Variants in IMMP2L observed in about 807,000 individuals in gnomAD.
IMMP2L encodes the protein mitochondrial inner membrane protease subunit 2.
A neutral mutation model predicts 19.3 loss-of-function variants in IMMP2L; 18 were observed. That is an observed-to-expected ratio of 0.93 (90% CI 0.64 to 1.38). The LOEUF is 1.38. Among genes scored for constraint, IMMP2L ranks in the 40% most tolerant of loss-of-function variants. IMMP2L has a pLI of 0.00. For synonymous variants in IMMP2L, 76 were observed against 73.0 expected (o/e 1.04, Z -0.21); for missense variants, 233 against 218.2 (o/e 1.07, Z -0.43).
chr7:111,111,339 G>A (rs1421749584), intron 3 of IMMP2L, among the ~76,000 whole-genome samples: 4 of 150,332 alleles, frequency 2.7e-5, no homozygotes, highest in African/African-American at 7.3e-5. Context: ...GTTAGCAAGG[G>A]CCTACATTGC....
At chr7:110,819,692 C>G (rs1265748908) in intron 5 of IMMP2L, among the ~76,000 whole-genome samples, 1 of 151,984 alleles carries the variant, frequency 6.6e-6, no homozygotes, top group Non-Finnish European at 1.5e-5. Context: ...AAATGTCCCA[C>G]TGTAGAACAT....
chr7:111,049,659 C>A (rs189542176), intron 3 of IMMP2L, among the ~76,000 whole-genome samples: 39 of 152,242 alleles, frequency 2.6e-4, no homozygotes, highest in African/African-American at 9.1e-4. Context: ...AATTGGCTCT[C>A]TTTGTCCTAG....
intron 3 of IMMP2L, among the ~76,000 whole-genome samples, chr7:110,997,562 G>T (rs2129560620): frequency 6.6e-6 from 1 of 152,184 alleles, no homozygotes. Context: ...AATTCTAATA[G>T]CTGTGTAGTG....
chr7:111,125,899 T>A (rs1801256923), intron 3 of IMMP2L, among the ~76,000 whole-genome samples: 1 of 144,694 alleles, frequency 6.9e-6, no homozygotes, highest in Non-Finnish European at 1.5e-5. Flanking sequence ...CTAGGCTCAC[T>A]GCAGACTCCG....
chr7:110,814,613 T>A (rs957777489), intron 5 of IMMP2L, among the ~76,000 whole-genome samples: 2 of 150,214 alleles, frequency 1.3e-5, no homozygotes, highest in Non-Finnish European at 3.0e-5. Flanking sequence ...TTTTCTTCTA[T>A]TTCTTTTATT....
chr7:111,486,286 C>T (rs925222086), intron 3 of IMMP2L, among the ~76,000 whole-genome samples: 1 of 152,096 alleles, frequency 6.6e-6, no homozygotes, highest in Non-Finnish European at 1.5e-5. Context: ...TATCTATTTC[C>T]ACAAAGCACT....
chr7:111,453,755 C>T (rs1379999373), intron 3 of IMMP2L, among the ~76,000 whole-genome samples: 1 of 152,124 alleles, frequency 6.6e-6, no homozygotes, highest in Non-Finnish European at 1.5e-5. Context: ...ATCACTCTAA[C>T]ACGGCAAAAC....
At chr7:111,474,663 A>G (rs755337921) in intron 3 of IMMP2L, among the ~76,000 whole-genome samples, 6 of 151,962 alleles carry the variant, frequency 3.9e-5, no homozygotes, top group Non-Finnish European at 5.9e-5. Context: ...CTCTTTCTTT[A>G]TTAACTGATT....
intron 4 of IMMP2L, among the ~76,000 whole-genome samples, chr7:110,925,413 C>T (rs1321023965): frequency 6.6e-6 from 1 of 152,100 alleles, no homozygotes; most frequent in East Asian, 1.9e-4. Context: ...AGGACACACA[C>T]TTGTTTTTAT....
intron 3 of IMMP2L, among the ~76,000 whole-genome samples, chr7:111,284,257 C>A (rs190859052): frequency 1.1e-3 from 170 of 152,180 alleles, no homozygotes; most frequent in African/African-American, 3.0e-3. Context: ...CTTTTGTTTG[C>A]AAATTCAGTT....
chr7:111,167,009 G>A (rs947916193), intron 3 of IMMP2L, among the ~76,000 whole-genome samples: 5 of 151,900 alleles, frequency 3.3e-5, no homozygotes, highest in Non-Finnish European at 5.9e-5. Flanking sequence ...CACATCATTC[G>A]GAGGGGGGGC....
intron 3 of IMMP2L, among the ~76,000 whole-genome samples, chr7:111,352,481 T>C (rs1041814387): frequency 6.6e-6 from 1 of 151,706 alleles, no homozygotes; most frequent in African/African-American, 2.4e-5. Flanking sequence ...AGTACTGAGA[T>C]TATAGGCATG....
In IMMP2L at chr7:110,892,305, G is replaced by C. The variant is rs76115181; in HGVS notation, c.306-5610C>G. ...GGTCACAAACCATCGTCTGCTTTGT[G>C]GGTCCAACTTGTCTCAGGCCATTGT... On this transcript the variant is annotated intron_variant, in intron 4 of 5. Coordinates refer to ENST00000405709, the MANE Select transcript of IMMP2L (RefSeq NM_032549.4). Among the ~76,000 whole-genome samples, 742 of 152,192 alleles carry C rather than the reference G, an allele frequency of 4.9e-3. 8 individuals are homozygous for C. Among genetic ancestry groups the C allele is most frequent in the African/African-American group, 0.017 (706 of 41,528 alleles).
chr7:110,967,531 T>G (rs970889039), intron 3 of IMMP2L, among the ~76,000 whole-genome samples: 1 of 152,066 alleles, frequency 6.6e-6, no homozygotes, highest in Non-Finnish European at 1.5e-5. Flanking sequence ...TGGTTCAGAA[T>G]TGGCCCAGAT....
At chr7:111,464,409 G>A (rs183650041) in intron 3 of IMMP2L, among the ~76,000 whole-genome samples, 49 of 152,284 alleles carry the variant, frequency 3.2e-4, no homozygotes, top group African/African-American at 1.1e-3. Context: ...CTTGAGCCCA[G>A]GAGCTGAATA....
intron 3 of IMMP2L, among the ~76,000 whole-genome samples, chr7:111,227,558 T>C (rs1813237900): frequency 2.0e-5 from 3 of 152,178 alleles, no homozygotes; most frequent in South Asian, 2.1e-4. Flanking sequence ...AAGGACAATG[T>C]TGAAAAGGAA....
intron 5 of IMMP2L, among the ~76,000 whole-genome samples, chr7:110,856,986 CA>C (rs557577766): frequency 2.8e-4 from 43 of 152,188 alleles, no homozygotes; most frequent in Admixed American, 2.1e-3. Context: ...TATTAAATAG[CA>C]CCATGTAACA....
intron 1 of IMMP2L, among the ~76,000 whole-genome samples, chr7:111,549,841 T>C (rs1021935382): frequency 1.3e-5 from 2 of 151,242 alleles, no homozygotes; most frequent in Non-Finnish European, 2.9e-5. Context: ...CTTGGGAGGC[T>C]GAGGCACGAA....
chr7:111,476,478 G>C (rs1008016259), intron 3 of IMMP2L, among the ~76,000 whole-genome samples: 3 of 151,990 alleles, frequency 2.0e-5, no homozygotes, highest in African/African-American at 7.2e-5. Flanking sequence ...CAAATTTGGC[G>C]GTTTAAAATA....
Sources: gnomAD v4.1 joint callset for allele counts (sites outside exome capture counted in the v4.1 genomes callset) on GRCh38, gnomAD v4.1.1 for gene constraint, MANE v1.5 for transcripts, NCBI Gene and HGNC (gene_info 2026-07-23, HGNC 2026-07-21) for gene names.